Variants in ZSCAN29 observed in about 807,000 individuals in gnomAD.
ZSCAN29 encodes zinc finger and SCAN domain-containing protein 29.
In ZSCAN29, 55 loss-of-function variants were observed where a neutral mutation model predicts 71.9. That is an observed-to-expected ratio of 0.76 (90% CI 0.62 to 0.96). The LOEUF is 0.96. Ranked by LOEUF, ZSCAN29 falls within the 40% of genes least tolerant of loss-of-function variation. The pLI is 0.00. For missense variants in ZSCAN29, 1,042 were observed against 1,042.2 expected, an observed-to-expected ratio of 1.00 and a Z score of 0.00; for synonymous variants, 351 against 371.6, an observed-to-expected ratio of 0.94 and a Z score of 0.64.
At position 43,359,544 on chromosome 15, in the gene ZSCAN29, G is replaced by A. The variant is rs1391055177; in HGVS notation, c.*1529C>T. On this transcript the variant is annotated 3_prime_UTR_variant, in exon 6 of 6. Transcript: ENST00000684362. Reference sequence around the variant, plus strand: ...TGCCATTAGGGTAAAGGGCCTGTTCGCACACAGTAGTCCATTTTCCCAATA... The same window carrying A: ...TGCCATTAGGGTAAAGGGCCTGTTCACACACAGTAGTCCATTTTCCCAATA... The A allele has an allele frequency of 1.3e-5, 2 of 152,228 alleles. No homozygotes were observed. Among genetic ancestry groups the A allele is most frequent in the African/African-American group, 2.4e-5 (1 of 41,456 alleles). 9.4% of individuals were successfully genotyped at this position (152,228 alleles called of 1,614,324 possible). A position where few individuals can be genotyped will look rare whatever the true frequency, so the allele number is the denominator to read the frequency against.
rs1595464442 is a variant in ZSCAN29, at chr15:43,358,341, T to C, written c.*2732A>G. On this transcript the variant is annotated 3_prime_UTR_variant, in exon 6 of 6. Transcript: ENST00000684362. ...AATGCTTTTCCCACGAGACTATACA[T>C]AGATATACTAAAGACAATACTTTTT... 6.6e-6 allele frequency: 1 copy of C among 152,306 alleles called. No homozygotes were observed. The highest frequency in any genetic ancestry group is 6.6e-5 in the Admixed American group (1 of 15,264). 9.4% of individuals were successfully genotyped at this position (152,306 alleles called of 1,614,324 possible).
intron 4 of ZSCAN29, among the ~76,000 whole-genome samples, chr15:43,365,748 C>G (rs1055349258): frequency 7.5e-6 from 1 of 133,314 alleles, no homozygotes; most frequent in Non-Finnish European, 1.5e-5. Context: ...GTTCATATGA[C>G]ATACTCAATA....
chr15:43,363,676 A>G, intron 5 of ZSCAN29: 1 of 437,024 alleles, frequency 2.3e-6, no homozygotes, highest in African/African-American at 1.9e-5. Flanking sequence ...TCATGAATAA[A>G]TCACAGCAAA....
chr15:43,365,385 A>G (rs2044025790), intron 4 of ZSCAN29, among the ~76,000 whole-genome samples: 1 of 152,268 alleles, frequency 6.6e-6, no homozygotes, highest in Non-Finnish European at 1.5e-5. Flanking sequence ...ATATTTAAAT[A>G]GAGTGTTAAA....
At position 43,361,264 on chromosome 15, in the gene ZSCAN29, G is replaced by T; in HGVS notation, c.2368C>A (p.His790Asn). 1 of 1,613,936 alleles carries T rather than the reference G, an allele frequency of 6.2e-7. No homozygotes were observed. Among genetic ancestry groups the T allele is most frequent in the Non-Finnish European group, 8.5e-7 (1 of 1,179,964 alleles). The change falls in exon 6 of 6, where the codon CAT becomes AAT. Residue 790 changes from histidine (H) to asparagine (N), a missense_variant. His to Asn is a moderately conservative substitution (Grantham distance 68). Coordinates refer to ENST00000684362, the MANE Select transcript of ZSCAN29 (RefSeq NM_001372080.1). Reference sequence around the variant, plus strand: ...CTCTTTCCACAGTCAGGACACACATGGGGTCTCTCTCCTGTGTGTATCCTC... The same window carrying T: ...CTCTTTCCACAGTCAGGACACACATTGGGTCTCTCTCCTGTGTGTATCCTC... ...HRRIHTGERP[H>N]VCPDCGKSFS...
Position 43,363,587 on chromosome 15 carries a change from C to T in ZSCAN29, c.1690+328G>A, listed in dbSNP as rs76016635. On this transcript the variant is annotated intron_variant, in intron 5 of 5. Coordinates refer to ENST00000684362, the MANE Select transcript of ZSCAN29 (RefSeq NM_001372080.1). ...ACTTTTAAAATCAACTTCATCCTAC[C>T]GTGGGTACGTGACATGCTACTTGAG... Among the ~76,000 whole-genome samples, 40 of 152,288 alleles carry T rather than the reference C, an allele frequency of 2.6e-4. No individual in the cohort carries two copies. In the East Asian group the frequency reaches 6.9e-3, roughly 26 times the overall value.
At chr15:43,367,993 AC>A (rs1342207899) in intron 3 of ZSCAN29, among the ~76,000 whole-genome samples, 1 of 152,208 alleles carries the variant, frequency 6.6e-6, no homozygotes, top group Non-Finnish European at 1.5e-5. Context: ...AGAATAATCA[AC>A]TAGGTATAAA....
rs1208382356 is a variant in ZSCAN29 at position 43,361,524 on chromosome 15, T to A, written c.2108A>T (p.Glu703Val). The part of the protein sequence containing the change: ...LIRHRRIHTG[E>V]KPYKCLDCGK... ...ACAGTCAAGACATTTATAAGGTTTCTCTCCAGTGTGGATTCTCCGGTGTCT... is the reference window on the plus strand; with the variant it reads ...ACAGTCAAGACATTTATAAGGTTTCACTCCAGTGTGGATTCTCCGGTGTCT... Residue 703 changes from glutamate (E) to valine (V), a missense_variant, in exon 6 of 6, where the codon GAG becomes GTG. Physicochemically the swap from Glu to Val is moderately radical, Grantham distance 121. Coordinates refer to ENST00000684362, the MANE Select transcript of ZSCAN29 (RefSeq NM_001372080.1). The A allele has an allele frequency of 6.2e-7, 1 of 1,614,220 alleles. No homozygotes were observed. The highest frequency in any genetic ancestry group is 1.7e-5 in the Admixed American group (1 of 60,020).
In ZSCAN29 at chr15:43,361,162, C is replaced by T; in HGVS notation, c.2470G>A (p.Gly824Ser). Residue 824 changes from glycine to serine, a missense_variant, in exon 6 of 6, where the codon GGT becomes AGT. By Grantham distance (56) the Gly-to-Ser change is moderately conservative. Transcript: ENST00000684362. ...GCAGAGCTTTTACTGAAGCACTTAC[C>T]ACAGTCATGACACCCATAGGGTTTC... Reference protein sequence around the residue: ...GEKPYGCHDCGKCFSKSSALN... With the variant: ...GEKPYGCHDCSKCFSKSSALN... 6.2e-7 allele frequency: 1 copy of T among 1,614,142 alleles called. No individual in the cohort carries two copies. The highest frequency in any genetic ancestry group is 1.1e-5 in the South Asian group (1 of 91,084).
rs1191007969 is a variant in ZSCAN29, at chr15:43,360,121, G to T, written c.*952C>A. 1 of 152,188 alleles carries T rather than the reference G, an allele frequency of 6.6e-6. No individual in the cohort carries two copies. Among genetic ancestry groups the T allele is most frequent in the East Asian group, 1.9e-4 (1 of 5,194 alleles). 9.4% of individuals were successfully genotyped at this position (152,188 alleles called of 1,614,324 possible). A position where few individuals can be genotyped will look rare whatever the true frequency, so the allele number is the denominator to read the frequency against. On this transcript the variant is annotated 3_prime_UTR_variant, in exon 6 of 6. Coordinates refer to ENST00000684362, the MANE Select transcript of ZSCAN29 (RefSeq NM_001372080.1). ...CCCAGCACTTTGGGAGACCTAGGCA[G>T]GCAGATCATGAGGTCAATTCAAAAC...
rs749722206 is a variant in ZSCAN29, at chr15:43,364,334, C to T, written c.1271G>A (p.Ser424Asn). 7 of 1,614,148 alleles carry T rather than the reference C, an allele frequency of 4.3e-6. No individual in the cohort carries two copies. In the South Asian group the frequency reaches 6.6e-5, roughly 15 times the overall value. ...EETKTYLAIL[S>N]ETQFYEALRN... is the part of the protein sequence containing the mutation. ...GAGGGCTTCATAAAACTGGGTCTCACTAAGAATTGCAAGGTAAGTCTTGGT... is the reference window on the plus strand; with the variant it reads ...GAGGGCTTCATAAAACTGGGTCTCATTAAGAATTGCAAGGTAAGTCTTGGT... Residue 424 changes from serine (S) to asparagine (N), a missense_variant, in exon 5 of 6, where the codon AGT (serine) becomes AAT (asparagine). By Grantham distance (46) the Ser-to-Asn change is conservative. Coordinates refer to ENST00000684362, the MANE Select transcript of ZSCAN29 (RefSeq NM_001372080.1).
Position 43,361,447 on chromosome 15 carries a change from T to C in ZSCAN29, c.2185A>G (p.Thr729Ala). ...SNFITHRRIHTGEKPYQCGEC... is the reference protein window; with the variant it reads ...SNFITHRRIHAGEKPYQCGEC... Reference sequence around the variant, plus strand: ...CCACATTGATAAGGTTTCTCTCCTGTGTGGATTCTCCTATGGGTGATGAAA... The same window carrying C: ...CCACATTGATAAGGTTTCTCTCCTGCGTGGATTCTCCTATGGGTGATGAAA... Residue 729 changes from threonine to alanine, a missense_variant, in exon 6 of 6, where the codon ACA becomes GCA. Physicochemically the swap from Thr to Ala is moderately conservative, Grantham distance 58. Transcript: ENST00000684362. 1 of 1,613,654 alleles carries C rather than the reference T, an allele frequency of 6.2e-7. No individual in the cohort carries two copies.
rs1361645177 is a variant in ZSCAN29, at chr15:43,364,392, G to A, written c.1223-10C>T. ...TAGCCCCAGTGTACACCTGCCACCA[G>A]AAGAGAAATTTCAGCACCACTTAAT... On this transcript the variant is annotated splice_polypyrimidine_tract_variant and intron_variant, in intron 4 of 5. Transcript: ENST00000684362. The A allele has an allele frequency of 6.2e-7, 1 of 1,611,718 alleles. No homozygotes were observed. The highest frequency in any genetic ancestry group is 1.1e-5 in the South Asian group (1 of 91,042).
In ZSCAN29 at chr15:43,361,768, C is replaced by T. The variant is rs1566881929; in HGVS notation, c.1864G>A (p.Gly622Arg). 2 of 1,614,214 alleles carry T rather than the reference C, an allele frequency of 1.2e-6. No individual in the cohort carries two copies. The highest frequency in any genetic ancestry group is 1.7e-6 in the Non-Finnish European group (2 of 1,180,042). ...RSGRQWAKTS[G>R]EKRGKLTLPE... ...AGTGTCAGTTTTCCTCTTTTCTCCC[C>T]TGAGGTCTTTGCCCACTGTCTTCCT... is the stretch of plus-strand genomic sequence containing the variant. Residue 622 changes from glycine to arginine, a missense_variant, in exon 6 of 6, where the codon GGG becomes AGG. By Grantham distance (125) the Gly-to-Arg change is moderately radical (BLOSUM62 -2). Transcript: ENST00000684362.
At chr15:43,370,276 A>G (rs904975927) in intron 1 of ZSCAN29, 6 of 237,562 alleles carry the variant, frequency 2.5e-5, no homozygotes, top group Admixed American at 5.2e-5. Context: ...TCCCTGGCCA[A>G]TGTTGCACAG....
intron 2 of ZSCAN29, 94 bp downstream of exon 2, chr15:43,369,502 G>A: frequency 2.2e-6 from 3 of 1,368,344 alleles, no homozygotes; most frequent in Non-Finnish European, 3.0e-6. Flanking sequence ...CCTCACCAAG[G>A]GAGACTGTGT....
Position 43,363,648 on chromosome 15 carries a change from G to T in ZSCAN29, c.1690+267C>A, listed in dbSNP as rs200080327. ...TTTCAGATTCCCTGCTTAGTAAACT[G>T]GTTGGAAACCTAGTGGTTCATGAAT... On this transcript the variant is annotated intron_variant, in intron 5 of 5. Coordinates refer to ENST00000684362, the MANE Select transcript of ZSCAN29 (RefSeq NM_001372080.1). The T allele has an allele frequency of 2.4e-5, 9 of 369,556 alleles. No homozygotes were observed. The East Asian group carries it at 3.7e-4, about 15-fold the overall frequency. 22.9% of individuals were successfully genotyped at this position (369,556 alleles called of 1,614,324 possible).
intron 2 of ZSCAN29, 29 bp from the exon 3 acceptor site, chr15:43,369,156 G>A: frequency 6.6e-7 from 1 of 1,520,504 alleles, no homozygotes; most frequent in Non-Finnish European, 8.8e-7. Context: ...AATTGTCACT[G>A]CAAGATCATA....
intron 3 of ZSCAN29, among the ~76,000 whole-genome samples, chr15:43,367,235 TTAG>T (rs1324284420): frequency 1.3e-5 from 2 of 152,212 alleles, no homozygotes; most frequent in East Asian, 1.9e-4. Flanking sequence ...GGTGTTCACC[TTAG>T]TAGTCCTTCC....
Sources: allele counts gnomAD v4.1 joint callset (sites outside exome capture counted in the v4.1 genomes callset), GRCh38; gene constraint gnomAD v4.1.1; transcripts MANE v1.5; gene names NCBI Gene and HGNC (gene_info 2026-07-23, HGNC 2026-07-21).